The following ATRNL1 variants were observed in gnomAD, a reference collection of about 807,000 sequenced individuals.
ATRNL1 encodes attractin-like protein 1.
ATRNL1 carries 95 observed loss-of-function variants against 182.7 expected under a neutral mutation model. The ratio of observed to expected loss-of-function variants is 0.52; its 90% CI spans 0.44 to 0.62. ATRNL1 has a LOEUF of 0.62. Among genes scored for constraint, ATRNL1 ranks in the 20% least tolerant of loss-of-function variants. The probability of loss-of-function intolerance (pLI) is 0.00; values close to 1 mark genes in which losing one functional copy is unlikely to be tolerated. For missense variants in ATRNL1, 1,471 were observed against 1,679.5 expected (o/e 0.88, Z 2.17); for synonymous variants, 576 against 568.3 (o/e 1.01, Z -0.19).
At chr10:115,834,290 A>G (rs2907557) in intron 27 of ATRNL1, among the ~76,000 whole-genome samples, 26,394 of 152,112 alleles carry the variant, frequency 0.17, 2,423 homozygotes, top group Non-Finnish European at 0.2. Flanking sequence ...TGGGATTTCA[A>G]TCAGATATTT....
At chr10:115,434,385 G>A (rs1262587044) in intron 21 of ATRNL1, among the ~76,000 whole-genome samples, 11 of 152,020 alleles carry the variant, frequency 7.2e-5, no homozygotes, top group African/African-American at 2.4e-4. Flanking sequence ...GGAAGGGTAT[G>A]CTTATTATTC....
intron 24 of ATRNL1, among the ~76,000 whole-genome samples, chr10:115,474,337 C>T (rs1373561912): frequency 1.3e-5 from 2 of 151,320 alleles, no homozygotes; most frequent in Admixed American, 6.6e-5. Context: ...TAGAAGTATT[C>T]TCTTATATGT....
chr10:115,320,889 G>A (rs921482634), intron 18 of ATRNL1, among the ~76,000 whole-genome samples: 3 of 151,970 alleles, frequency 2.0e-5, no homozygotes, highest in South Asian at 2.1e-4. Flanking sequence ...CCATCTCATC[G>A]TCTGTCCAGT....
At chr10:115,853,632 T>C (rs1257592044) in intron 28 of ATRNL1, among the ~76,000 whole-genome samples, 1 of 152,228 alleles carries the variant, frequency 6.6e-6, no homozygotes, top group Non-Finnish European at 1.5e-5. Flanking sequence ...GCACTTTCTT[T>C]GTTAGAGGTG....
chr10:115,538,354 G>T (rs782406120), intron 25 of ATRNL1, among the ~76,000 whole-genome samples: 2 of 152,178 alleles, frequency 1.3e-5, no homozygotes, highest in African/African-American at 4.8e-5. Context: ...TCTCACCAGT[G>T]CTTGGTCCTG....
chr10:115,459,500 T>C (rs2134520616), intron 21 of ATRNL1, among the ~76,000 whole-genome samples: 1 of 152,198 alleles, frequency 6.6e-6, no homozygotes, highest in Middle Eastern at 3.4e-3. Context: ...TGAAATAAAC[T>C]CCAGTCTCCC....
At chr10:115,511,000 CTT>C (rs1480716578) in intron 24 of ATRNL1, among the ~76,000 whole-genome samples, 2 of 151,918 alleles carry the variant, frequency 1.3e-5, no homozygotes, top group East Asian at 3.9e-4. Flanking sequence ...ATAGAAAGAA[CTT>C]AAACTATTTA....
intron 5 of ATRNL1, among the ~76,000 whole-genome samples, chr10:115,147,048 A>G (rs1846006437): frequency 6.6e-6 from 1 of 152,162 alleles, no homozygotes; most frequent in Non-Finnish European, 1.5e-5. Flanking sequence ...AGGAGTTTCC[A>G]TACTGTTTAC....
chr10:115,881,786 C>T (rs965751328), intron 28 of ATRNL1, among the ~76,000 whole-genome samples: 1 of 152,122 alleles, frequency 6.6e-6, no homozygotes, highest in Non-Finnish European at 1.5e-5. Context: ...TGCTGCCTAC[C>T]CAGGTCTGTC....
intron 6 of ATRNL1, among the ~76,000 whole-genome samples, chr10:115,160,486 CT>C (rs1463357995): frequency 1 from 151,780 of 151,780 alleles, 75,890 homozygotes; most frequent in Non-Finnish European, 1. Context: ...ACAGGCAGGC[CT>C]TTGCCTATAT....
intron 27 of ATRNL1, among the ~76,000 whole-genome samples, chr10:115,754,577 T>C (rs1948536075): frequency 6.6e-6 from 1 of 151,846 alleles, no homozygotes. Flanking sequence ...CTTTGCCTTT[T>C]AGTGTAGTTT....
At position 115,426,313 on chromosome 10, in the gene ATRNL1, G is replaced by A. The variant is rs1554962895; in HGVS notation, c.3322+11G>A. The A allele has an allele frequency of 3.8e-6, 6 of 1,587,196 alleles. No homozygotes were observed. The highest frequency in any genetic ancestry group is 5.2e-6 in the Non-Finnish European group (6 of 1,159,278). ...GAGGAACATGTTATTGTAAGTATAT[G>A]TGTATTCTTCATTTTAAATAATTGG... On this transcript the variant is annotated intron_variant, in intron 21 of 28. Coordinates refer to ENST00000355044, the MANE Select transcript of ATRNL1 (RefSeq NM_207303.4).
intron 10 of ATRNL1, among the ~76,000 whole-genome samples, chr10:115,257,258 A>C (rs1177083971): frequency 6.6e-6 from 1 of 152,070 alleles, no homozygotes; most frequent in East Asian, 1.9e-4. Context: ...ATTGTGTGGG[A>C]GTCTAAGTCT....
At chr10:115,626,526 A>G (rs1555024689) in intron 26 of ATRNL1, among the ~76,000 whole-genome samples, 1 of 152,186 alleles carries the variant, frequency 6.6e-6, no homozygotes, top group Admixed American at 6.5e-5. Flanking sequence ...AGTTAATACC[A>G]TAGATTTTCA....
intron 26 of ATRNL1, among the ~76,000 whole-genome samples, chr10:115,555,021 TTATG>T (rs1853230147): frequency 6.6e-6 from 1 of 151,768 alleles, no homozygotes; most frequent in Non-Finnish European, 1.5e-5. Flanking sequence ...TGTCTGATGT[TTATG>T]TGTGTATATG....
At chr10:115,622,655 G>A (rs782206969) in intron 26 of ATRNL1, among the ~76,000 whole-genome samples, 5 of 135,118 alleles carry the variant, frequency 3.7e-5, no homozygotes, top group Non-Finnish European at 6.3e-5. Context: ...GGCGGGGCGC[G>A]GTGGCTCACG....
intron 8 of ATRNL1, among the ~76,000 whole-genome samples, chr10:115,205,624 A>G (rs1592257417): frequency 6.6e-6 from 1 of 151,668 alleles, no homozygotes; most frequent in East Asian, 1.9e-4. Context: ...GATATTTACT[A>G]TTATCTCTTT....
intron 28 of ATRNL1, among the ~76,000 whole-genome samples, chr10:115,858,199 G>A (rs1014894666): frequency 7.2e-5 from 11 of 152,242 alleles, no homozygotes; most frequent in Admixed American, 2.0e-4. Context: ...GAGTGTTTAC[G>A]CAAAGGAATA....
At chr10:115,284,770 A>G (rs868957583) in intron 14 of ATRNL1, among the ~76,000 whole-genome samples, 3 of 152,212 alleles carry the variant, frequency 2.0e-5, no homozygotes, top group South Asian at 2.1e-4. Flanking sequence ...GTATGAGAAT[A>G]TAGCTGTCAA....
Sources: gnomAD v4.1 joint callset for allele counts (sites outside exome capture counted in the v4.1 genomes callset) on GRCh38, gnomAD v4.1.1 for gene constraint, MANE v1.5 for transcripts, NCBI Gene and HGNC (gene_info 2026-07-23, HGNC 2026-07-21) for gene names.